The following ADGRL2 variants were observed in gnomAD, a reference collection of about 807,000 sequenced individuals.
ADGRL2 encodes the protein calcium-independent alpha-latrotoxin receptor 2.
ADGRL2 carries 44 observed loss-of-function variants against 157.4 expected under a neutral mutation model. That is an observed-to-expected ratio of 0.28 (90% CI 0.22 to 0.36). ADGRL2 has a LOEUF of 0.36. Ranked by LOEUF, ADGRL2 falls within the 10% of genes least tolerant of loss-of-function variation. The pLI is 1.00. For synonymous variants in ADGRL2, 585 were observed against 624.7 expected, an observed-to-expected ratio of 0.94 and a Z score of 0.95; for missense variants, 1,510 against 1,768.9, an observed-to-expected ratio of 0.85 and a Z score of 2.63.
At chr1:81,555,011 G>A (rs1383955584) in intron 2 of ADGRL2, among the ~76,000 whole-genome samples, 1 of 152,004 alleles carries the variant, frequency 6.6e-6, no homozygotes, top group East Asian at 2.0e-4. Flanking sequence ...TTGGGGTGCA[G>A]CAAAATGGGT....
At chr1:81,408,591 A>T (rs1445542094) in intron 1 of ADGRL2, among the ~76,000 whole-genome samples, 1 of 152,236 alleles carries the variant, frequency 6.6e-6, no homozygotes, top group Non-Finnish European at 1.5e-5. Context: ...AATAGAAGGC[A>T]TAAAAATGTC....
Position 81,325,461 on chromosome 1 carries a change from G to T in ADGRL2, c.-302+18952G>T, listed in dbSNP as rs145798304. ...GATTCTCTCGTAGGTCACTGCAGGT[G>T]TTTGGTAAGTCATTTAATTGTTGAT... On this transcript the variant is annotated intron_variant, in intron 1 of 24. Transcript: ENST00000370721. Among the ~76,000 whole-genome samples, 31 of 152,306 alleles carry T rather than the reference G, an allele frequency of 2.0e-4. No individual in the cohort carries two copies. The East Asian group carries it at 4.6e-3, about 23-fold the overall frequency.
intron 3 of ADGRL2, among the ~76,000 whole-genome samples, chr1:81,917,513 A>T (rs396294): frequency 0.047 from 7,084 of 152,214 alleles, 501 homozygotes; most frequent in African/African-American, 0.15. Context: ...AAATCTCATT[A>T]TGAAAAAAAT....
intron 1 of ADGRL2, among the ~76,000 whole-genome samples, chr1:81,378,234 T>A (rs367628182): frequency 6.6e-6 from 1 of 151,110 alleles, no homozygotes; most frequent in East Asian, 1.9e-4. Flanking sequence ...ATTGCAGTGA[T>A]AAAGAGCAGG....
intron 2 of ADGRL2, among the ~76,000 whole-genome samples, chr1:81,848,763 A>T (rs1034371254): frequency 8.6e-5 from 13 of 151,972 alleles, no homozygotes; most frequent in African/African-American, 2.9e-4. Context: ...TTTTTTAAAA[A>T]GCACAATTTA....
chr1:81,950,242 A>T lies in ADGRL2; in HGVS notation c.1264A>T (p.Ile422Leu). Residue 422 changes from isoleucine to leucine, a missense_variant, in exon 7 of 24, where the codon ATA (isoleucine) becomes TTA (leucine). By Grantham distance (5) the Ile-to-Leu change is conservative. Coordinates refer to ENST00000686636, the MANE Select transcript of ADGRL2 (RefSeq NM_001366006.2). ...TTCAGCTGAGCTGTTCAAAACCATA[A>T]TATCAACCACAAGCACTACTTCACA... ...TSSAELFKTI[I>L]STTSTTSQKG... 1.9e-6 allele frequency: 3 copies of T among 1,614,076 alleles called. No homozygotes were observed. The highest frequency in any genetic ancestry group is 2.5e-6 in the Non-Finnish European group (3 of 1,179,956).
intron 2 of ADGRL2, among the ~76,000 whole-genome samples, chr1:81,773,254 ACTT>A (rs1427893661): frequency 6.6e-6 from 1 of 152,202 alleles, no homozygotes; most frequent in Non-Finnish European, 1.5e-5. Context: ...CTGTGCTGAA[ACTT>A]ATTTGAGTTG....
chr1:81,389,801 AT>A (rs1361662907), intron 1 of ADGRL2, among the ~76,000 whole-genome samples: 5 of 152,194 alleles, frequency 3.3e-5, no homozygotes, highest in African/African-American at 1.2e-4. Flanking sequence ...TGGTTCTTGC[AT>A]TTCTTGCAAT....
chr1:81,663,963 G>A (rs9726202), intron 3 of ADGRL2, among the ~76,000 whole-genome samples: 9,323 of 152,066 alleles, frequency 0.061, 294 homozygotes, highest in African/African-American at 0.083. Flanking sequence ...TTTGCTTGAC[G>A]TTTATCATGT....
intron 1 of ADGRL2, among the ~76,000 whole-genome samples, chr1:81,357,505 T>C (rs1007897024): frequency 6.6e-6 from 1 of 152,196 alleles, no homozygotes; most frequent in Non-Finnish European, 1.5e-5. Context: ...TATAACTCAA[T>C]GTTTTTTACC....
At chr1:81,769,778 C>G (rs2086277375) in intron 2 of ADGRL2, among the ~76,000 whole-genome samples, 1 of 152,080 alleles carries the variant, frequency 6.6e-6, no homozygotes, top group Admixed American at 6.5e-5. Flanking sequence ...TTACATCTTT[C>G]TTACCACTTT....
intron 2 of ADGRL2, among the ~76,000 whole-genome samples, chr1:81,843,308 T>G: frequency 6.6e-6 from 1 of 152,206 alleles, no homozygotes; most frequent in Non-Finnish European, 1.5e-5. Flanking sequence ...AATTTTTGTA[T>G]TTTTAGTAGA....
At chr1:81,553,522 G>A (rs538331410) in intron 2 of ADGRL2, among the ~76,000 whole-genome samples, 4 of 152,214 alleles carry the variant, frequency 2.6e-5, no homozygotes, top group African/African-American at 9.6e-5. Context: ...GGGTACTGTT[G>A]TTTTTGATTT....
intron 1 of ADGRL2, among the ~76,000 whole-genome samples, chr1:81,813,689 T>C (rs1040135840): frequency 4.0e-5 from 6 of 151,836 alleles, no homozygotes; most frequent in Admixed American, 2.0e-4. Flanking sequence ...AGATACTCTT[T>C]ACTGCCAAAT....
At chr1:81,865,144 A>G (rs2093502603) in intron 2 of ADGRL2, among the ~76,000 whole-genome samples, 1 of 152,206 alleles carries the variant, frequency 6.6e-6, no homozygotes, top group South Asian at 2.1e-4. Flanking sequence ...AAAGTTAGCA[A>G]AAGTACCCCA....
intron 3 of ADGRL2, among the ~76,000 whole-genome samples, chr1:81,617,826 A>G (rs1570651330): frequency 6.6e-6 from 1 of 152,358 alleles, no homozygotes; most frequent in South Asian, 2.1e-4. Flanking sequence ...GACATGCTTC[A>G]GTAAGTAGCC....
intron 1 of ADGRL2, among the ~76,000 whole-genome samples, chr1:81,333,562 C>T (rs946428841): frequency 2.0e-5 from 3 of 151,956 alleles, no homozygotes; most frequent in Non-Finnish European, 2.9e-5. Context: ...ATTACAGGCA[C>T]CTGCCACTGC....
intron 2 of ADGRL2, among the ~76,000 whole-genome samples, chr1:81,851,255 C>G (rs1270047086): frequency 6.6e-6 from 1 of 151,914 alleles, no homozygotes; most frequent in African/African-American, 2.4e-5. Context: ...TAATAACCTA[C>G]ACTGAAGTCA....
At chr1:81,955,824 C>T (rs1281083325) in intron 10 of ADGRL2, 53 bp from the exon 11 acceptor site, 1 of 1,153,530 alleles carries the variant, frequency 8.7e-7, no homozygotes, top group East Asian at 2.6e-5. Flanking sequence ...TACTGAAAAT[C>T]ACTTTGGTTC....
Sources: allele counts gnomAD v4.1 joint callset (sites outside exome capture counted in the v4.1 genomes callset), GRCh38; gene constraint gnomAD v4.1.1; transcripts MANE v1.5; gene names NCBI Gene and HGNC (gene_info 2026-07-23, HGNC 2026-07-21).